Variants in FEM1C observed in about 807,000 individuals in gnomAD.
The protein encoded by FEM1C is fem-1 homolog C, also known as protein fem-1 homolog C.
Under a neutral mutation model 37.6 loss-of-function variants are expected in FEM1C, and 15 were observed. The ratio of observed to expected loss-of-function variants is 0.40; its 90% CI spans 0.27 to 0.61. The LOEUF is 0.61. Ranked by LOEUF, FEM1C falls within the 20% of genes least tolerant of loss-of-function variation. The pLI, the probability that FEM1C is intolerant of heterozygous loss-of-function variation, is 0.42. For synonymous variants in FEM1C, 287 were observed against 272.8 expected, an observed-to-expected ratio of 1.05 and a Z score of -0.51; for missense variants, 532 against 749.7, an observed-to-expected ratio of 0.71 and a Z score of 3.39.
chr5:115,538,928 C>T (rs959193833), intron 2 of FEM1C, among the ~76,000 whole-genome samples: 2 of 152,076 alleles, frequency 1.3e-5, no homozygotes, highest in East Asian at 3.9e-4. Flanking sequence ...ATTCAAAGCC[C>T]TGTTTAACTT....
chr5:115,544,652 T>G lies in FEM1C; in HGVS notation c.-320A>C, dbSNP rs1331628527. On this transcript the variant is annotated 5_prime_UTR_variant, in exon 1 of 3. It removes an upstream start codon present in the reference 5' UTR. Transcript: ENST00000274457. ...CGCCTGCGGCCGCACAGCTCCTCCATGCTCCGCGCCCCAAAGGAATGAATC... is the reference window on the plus strand; with the variant it reads ...CGCCTGCGGCCGCACAGCTCCTCCAGGCTCCGCGCCCCAAAGGAATGAATC... 2.6e-5 allele frequency: 4 copies of G among 154,354 alleles called. No homozygotes were observed. The South Asian group carries it at 8.1e-4, about 31-fold the overall frequency. The allele number at this position is 154,354 out of a possible 1,614,324, so 9.6% of individuals were successfully genotyped here.
chr5:115,542,662 A>G (rs1754265486), intron 2 of FEM1C, among the ~76,000 whole-genome samples: 1 of 152,214 alleles, frequency 6.6e-6, no homozygotes, highest in Admixed American at 6.5e-5. Flanking sequence ...CAGATCAGCT[A>G]CCACTAACAT....
chr5:115,528,113 A>T (rs898384081), intron 2 of FEM1C, among the ~76,000 whole-genome samples: 1 of 152,090 alleles, frequency 6.6e-6, no homozygotes, highest in Non-Finnish European at 1.5e-5. Context: ...TACCAGGAGA[A>T]AAAAAGTAGC....
intron 2 of FEM1C, among the ~76,000 whole-genome samples, chr5:115,531,324 G>A (rs942331398): frequency 6.6e-6 from 1 of 152,096 alleles, no homozygotes; most frequent in South Asian, 2.1e-4. Flanking sequence ...CTTTGAGATG[G>A]CCTTCAAAAT....
Position 115,525,126 on chromosome 5 carries a change from C to A in FEM1C, c.1036G>T (p.Ala346Ser). The A allele has an allele frequency of 1.2e-6, 2 of 1,613,734 alleles. No homozygotes were observed. The highest frequency in any genetic ancestry group is 1.7e-6 in the Non-Finnish European group (2 of 1,179,832). Residue 346 changes from alanine (A) to serine (S), a missense_variant, in exon 3 of 3, where the codon GCT (alanine) becomes TCT (serine). By Grantham distance (99) the Ala-to-Ser change is moderately conservative. Coordinates refer to ENST00000274457, the MANE Select transcript of FEM1C (RefSeq NM_020177.3). ...DTSYYIRYRG[A>S]VYADSGNFKR... ...AAATTTCCAGAGTCTGCATAGACAG[C>A]GCCTCTATATCTAATATAGTAAGAG...
intron 2 of FEM1C, among the ~76,000 whole-genome samples, chr5:115,538,177 TTC>T (rs758900211): frequency 1.3e-5 from 2 of 151,990 alleles, no homozygotes; most frequent in Non-Finnish European, 2.9e-5. Flanking sequence ...GTTCAATGTA[TTC>T]TCTCTGTGTA....
intron 2 of FEM1C, among the ~76,000 whole-genome samples, chr5:115,538,742 T>C (rs945764880): frequency 2.0e-5 from 3 of 152,010 alleles, no homozygotes; most frequent in Non-Finnish European, 4.4e-5. Context: ...GAGTGCCTTT[T>C]AGTTCTAATA....
intron 2 of FEM1C, among the ~76,000 whole-genome samples, chr5:115,540,741 GAAGT>G (rs1754224772): frequency 6.6e-6 from 1 of 151,984 alleles, no homozygotes; most frequent in South Asian, 2.1e-4. Context: ...AAATATAACG[GAAGT>G]AATACCAGTT....
chr5:115,544,172 G>C (rs1020824492), intron 1 of FEM1C: 1 of 985,260 alleles, frequency 1.0e-6, no homozygotes, highest in Non-Finnish European at 1.2e-6. Context: ...TGCCCCGAAA[G>C]ATTCTCTTTC....
At chr5:115,544,231 T>G in intron 1 of FEM1C, 1 of 963,178 alleles carries the variant, frequency 1.0e-6, no homozygotes, top group African/African-American at 1.8e-5. Context: ...CTTTTAGTCA[T>G]TAACTTCGCC....
At position 115,524,432 on chromosome 5, in the gene FEM1C, AAATTTT is replaced by A; in HGVS notation, c.1724_1729del (p.Lys575_Leu577delinsIle). The A allele has an allele frequency of 1.2e-6, 2 of 1,613,490 alleles. No homozygotes were observed. Among genetic ancestry groups the A allele is most frequent in the Non-Finnish European group, 1.7e-6 (2 of 1,179,686 alleles). On this transcript the variant is annotated inframe_deletion, in exon 3 of 3. Transcript: ENST00000274457. ...TGTGGTATGATTTATAGGCTGGATT[AAATTTT>A]TAGCTATTTCCTTCTCATCCAGCAA...
rs1754323428 is a variant in FEM1C, at chr5:115,544,769, A to C, written c.-437T>G. The C allele has an allele frequency of 6.6e-6, 1 of 152,316 alleles. No individual in the cohort carries two copies. The highest frequency in any genetic ancestry group is 2.1e-4 in the South Asian group (1 of 4,844). 9.4% of individuals were successfully genotyped at this position (152,316 alleles called of 1,614,324 possible). On this transcript the variant is annotated 5_prime_UTR_variant, in exon 1 of 3. Transcript: ENST00000274457. Reference sequence around the variant, plus strand: ...GCGGCTGCAGCGACTGCTGCGACGGATGGTGTAATGGGCTGCGAGCCGGGG... The same window carrying C: ...GCGGCTGCAGCGACTGCTGCGACGGCTGGTGTAATGGGCTGCGAGCCGGGG...
rs773527909 is a variant in FEM1C at position 115,543,326 on chromosome 5, C to A, written c.168G>T (p.Met56Ile). Residue 56 changes from methionine (M) to isoleucine (I), a missense_variant, in exon 2 of 3, where the codon ATG becomes ATT. By Grantham distance (10) the Met-to-Ile change is conservative. Coordinates refer to ENST00000274457, the MANE Select transcript of FEM1C (RefSeq NM_020177.3). ...LMAARYGHLDMVEFLLEQCSA... is the reference protein window; with the variant it reads ...LMAARYGHLDIVEFLLEQCSA... ...TGCATTGCTCTAGGAGGAATTCCAC[C>A]ATGTCAAGGTGCCCATACCTGGCGG... 6 of 1,614,198 alleles carry A rather than the reference C, an allele frequency of 3.7e-6. No individual in the cohort carries two copies. The East Asian group carries it at 8.9e-5, about 24-fold the overall frequency.
intron 2 of FEM1C, among the ~76,000 whole-genome samples, chr5:115,536,295 T>G (rs1754127125): frequency 6.6e-6 from 1 of 152,144 alleles, no homozygotes; most frequent in East Asian, 1.9e-4. Flanking sequence ...AAGTGTTGAC[T>G]GATAGAAGCA....
At chr5:115,538,827 T>A (rs1001498480) in intron 2 of FEM1C, among the ~76,000 whole-genome samples, 1 of 151,814 alleles carries the variant, frequency 6.6e-6, no homozygotes, top group East Asian at 1.9e-4. Context: ...TCCTAAACCT[T>A]CAAAACTGCC....
chr5:115,544,158 A>C, intron 1 of FEM1C: 1 of 985,380 alleles, frequency 1.0e-6, no homozygotes, highest in Non-Finnish European at 1.2e-6. Context: ...TAAGGCCAAA[A>C]CTGTGCCCCG....
intron 2 of FEM1C, among the ~76,000 whole-genome samples, chr5:115,542,020 T>C (rs1754252143): frequency 6.6e-6 from 1 of 152,208 alleles, no homozygotes; most frequent in Admixed American, 6.5e-5. Context: ...CATGTCTATA[T>C]GCTACTTTTA....
chr5:115,537,332 C>A lies in FEM1C; in HGVS notation c.544+5618G>T, dbSNP rs185186443. On this transcript the variant is annotated intron_variant, in intron 2 of 2. Transcript: ENST00000274457. ...AAGGAACTACATTGTACCCGAAGGC[C>A]AGTAAGTGAAACGTAACTTCTATCT... 3.3e-5 allele frequency among the ~76,000 whole-genome samples: 5 copies of A among 152,132 alleles called. 1 individual carries two copies. Among genetic ancestry groups the A allele is most frequent in the Admixed American group, 3.3e-4 (5 of 15,272 alleles).
intron 2 of FEM1C, among the ~76,000 whole-genome samples, chr5:115,541,666 T>C (rs1754244147): frequency 6.6e-6 from 1 of 152,102 alleles, no homozygotes; most frequent in African/African-American, 2.4e-5. Flanking sequence ...TATCAACCAA[T>C]AGAGACTAGA....
Sources: gnomAD v4.1 joint callset for allele counts (sites outside exome capture counted in the v4.1 genomes callset) on GRCh38, gnomAD v4.1.1 for gene constraint, MANE v1.5 for transcripts, NCBI Gene and HGNC (gene_info 2026-07-23, HGNC 2026-07-21) for gene names.